The following WDR45B variants were observed in gnomAD, a reference collection of about 807,000 sequenced individuals.
The protein encoded by WDR45B is WD repeat domain phosphoinositide-interacting protein 3.
Under a neutral mutation model 44.6 loss-of-function variants are expected in WDR45B, and 20 were observed. The observed-to-expected ratio is 0.45, with a 90% CI of 0.32 to 0.65. The LOEUF is 0.65. Ranked by LOEUF, WDR45B falls within the 30% of genes least tolerant of loss-of-function variation. The pLI is 0.05. For synonymous variants in WDR45B, 169 were observed against 164.9 expected, an observed-to-expected ratio of 1.02 and a Z score of -0.19; for missense variants, 323 against 430.2, an observed-to-expected ratio of 0.75 and a Z score of 2.20.
At position 82,615,411 on chromosome 17, in the gene WDR45B, CG is replaced by C. The variant is rs2045518155; in HGVS notation, c.*507del. Reference sequence around the variant, plus strand: ...GGGTCAGGTCATTTTTCTTCATGTTCGGGCGGGAAAAGGAATTCCTTTCTCC... The same window carrying C: ...GGGTCAGGTCATTTTTCTTCATGTTCGGCGGGAAAAGGAATTCCTTTCTCC... On this transcript the variant is annotated 3_prime_UTR_variant, in exon 10 of 10. Transcript: ENST00000392325. 5.3e-6 allele frequency: 1 copy of C among 189,044 alleles called. No individual in the cohort carries two copies. The highest frequency in any genetic ancestry group is 1.3e-4 in the East Asian group (1 of 7,968). 11.7% of individuals were successfully genotyped at this position (189,044 alleles called of 1,614,324 possible).
intron 2 of WDR45B, among the ~76,000 whole-genome samples, chr17:82,639,904 G>T (rs1191909779): frequency 1.9e-5 from 2 of 107,816 alleles, no homozygotes; most frequent in African/African-American, 3.5e-5. Context: ...TGGGTTGTGT[G>T]TGTGTCGGGT....
Position 82,622,725 on chromosome 17 carries a change from T to A in WDR45B, c.428-926A>T, listed in dbSNP as rs556505227. Among the ~76,000 whole-genome samples the A allele has an allele frequency of 8.1e-3, 1,234 of 152,092 alleles. 20 individuals carry two copies. Among genetic ancestry groups the A allele is most frequent in the African/African-American group, 0.027 (1,125 of 41,498 alleles). On this transcript the variant is annotated intron_variant, in intron 5 of 9. Transcript: ENST00000392325. The stretch of plus-strand genomic sequence containing the variant: ...GCGATTACAGGCATGACCAAAAATT[T>A]TTTTTTTTTTTGTAAAGTAAGAAGA...
At position 82,648,364 on chromosome 17, in the gene WDR45B, C is replaced by G; in HGVS notation, c.-24G>C. The G allele has an allele frequency of 6.2e-7, 1 of 1,602,170 alleles. No individual in the cohort carries two copies. Among genetic ancestry groups the G allele is most frequent in the Non-Finnish European group, 8.5e-7 (1 of 1,176,190 alleles). ...ATGGCGCCGCCGTGCTGGGTCGCCG[C>G]TCCTCAGCGCTGCATGCCTCTCGCT... On this transcript the variant is annotated 5_prime_UTR_variant, in exon 1 of 10. Coordinates refer to ENST00000392325, the MANE Select transcript of WDR45B (RefSeq NM_019613.4).
rs753439203 is a variant in WDR45B at position 82,648,266 on chromosome 17, C to G, written c.67+8G>C. Reference sequence around the variant, plus strand: ...GCCGGGCAAGGCGACAGGGCCGCGCCTCCTCACCGTGGTCCTGGTTGAAGC... The same window carrying G: ...GCCGGGCAAGGCGACAGGGCCGCGCGTCCTCACCGTGGTCCTGGTTGAAGC... On this transcript the variant is annotated splice_region_variant and intron_variant, in intron 1 of 9. Transcript: ENST00000392325. 6.2e-7 allele frequency: 1 copy of G among 1,604,066 alleles called. No homozygotes were observed. The highest frequency in any genetic ancestry group is 1.1e-5 in the South Asian group (1 of 89,896).
chr17:82,623,178 G>A (rs2143274907), intron 5 of WDR45B, among the ~76,000 whole-genome samples: 1 of 151,804 alleles, frequency 6.6e-6, no homozygotes, highest in African/African-American at 2.4e-5. Context: ...GATCACCTGA[G>A]GTCAGGAGTT....
intron 5 of WDR45B, among the ~76,000 whole-genome samples, chr17:82,623,158 A>T (rs139324055): frequency 0.024 from 3,544 of 148,416 alleles, 144 homozygotes; most frequent in African/African-American, 0.083. Context: ...TTGGGAGGCC[A>T]AGGAAGGCGG....
chr17:82,621,050 GTTTC>G (rs2045608498), intron 6 of WDR45B, among the ~76,000 whole-genome samples: 1 of 131,578 alleles, frequency 7.6e-6, no homozygotes, highest in Admixed American at 7.7e-5. Context: ...ACGTATTTTT[GTTTC>G]TTTTTTTTTT....
Position 82,631,158 on chromosome 17 carries a change from C to T in WDR45B, c.143-136G>A. The T allele has an allele frequency of 4.9e-6, 4 of 821,672 alleles. No individual in the cohort carries two copies. In the South Asian group the frequency reaches 6.1e-5, roughly 13 times the overall value. 50.9% of individuals were successfully genotyped at this position (821,672 alleles called of 1,614,324 possible). ...TAAGAGACAAGATCTCACTGTGTTGCCCAGGCTGGAATGCAGTAGCTATTC... is the reference window on the plus strand; with the variant it reads ...TAAGAGACAAGATCTCACTGTGTTGTCCAGGCTGGAATGCAGTAGCTATTC... On this transcript the variant is annotated intron_variant, in intron 2 of 9. Transcript: ENST00000392325.
intron 8 of WDR45B, 122 bp from the exon 9 acceptor site, chr17:82,616,767 AATTT>A: frequency 7.3e-7 from 1 of 1,370,644 alleles, no homozygotes; most frequent in Non-Finnish European, 1.0e-6. Flanking sequence ...AGCTTTAATG[AATTT>A]TTTTTTTGCC....
intron 5 of WDR45B, among the ~76,000 whole-genome samples, chr17:82,624,847 T>C (rs2045674149): frequency 6.6e-6 from 1 of 150,414 alleles, no homozygotes; most frequent in South Asian, 2.1e-4. Context: ...CTTAATCTCC[T>C]GACCTTGTGA....
chr17:82,618,983 G>C, intron 7 of WDR45B, 60 bp downstream of exon 7: 1 of 1,537,616 alleles, frequency 6.5e-7, no homozygotes, highest in Non-Finnish European at 9.0e-7. Flanking sequence ...AAATCCCAAA[G>C]GCCCACTTCC....
intron 5 of WDR45B, 77 bp downstream of exon 5, chr17:82,625,312 T>C (rs974381680): frequency 7.0e-7 from 1 of 1,427,410 alleles, no homozygotes; most frequent in Non-Finnish European, 9.9e-7. Flanking sequence ...GAGACCTGCT[T>C]GGAGAAGGGA....
intron 2 of WDR45B, among the ~76,000 whole-genome samples, chr17:82,640,646 G>A (rs1025321931): frequency 6.6e-6 from 1 of 152,134 alleles, no homozygotes; most frequent in Admixed American, 6.5e-5. Context: ...GCTCTTCATT[G>A]TTAAACTGTA....
At chr17:82,643,297 G>A (rs1470378167) in intron 2 of WDR45B, among the ~76,000 whole-genome samples, 2 of 152,174 alleles carry the variant, frequency 1.3e-5, no homozygotes, top group East Asian at 1.9e-4. Context: ...GCCGGTTGTG[G>A]TGGTGGGTGC....
intron 1 of WDR45B, among the ~76,000 whole-genome samples, chr17:82,647,038 G>A (rs746414711): frequency 2.6e-5 from 4 of 152,126 alleles, no homozygotes; most frequent in Non-Finnish European, 5.9e-5. Flanking sequence ...AGACCAGCCT[G>A]GCCAACATGG....
Position 82,648,295 on chromosome 17 carries a change from C to T in WDR45B, c.46G>A (p.Ala16Thr), listed in dbSNP as rs1234425864. 6.2e-7 allele frequency: 1 copy of T among 1,606,876 alleles called. No individual in the cohort carries two copies. The highest frequency in any genetic ancestry group is 8.5e-7 in the Non-Finnish European group (1 of 1,178,072). The change falls in exon 1 of 10, where the codon GCC becomes ACC. Residue 16 changes from alanine to threonine, a missense_variant. Transcript: ENST00000392325. ...CNPHGNGLLY[A>T]GFNQDHGCFA... ...TCACCGTGGTCCTGGTTGAAGCCGG[C>T]GTAGAGCAGCCCGTTGCCGTGAGGG...
intron 3 of WDR45B, chr17:82,629,729 G>A (rs1598269244): frequency 6.1e-6 from 6 of 985,372 alleles, no homozygotes; most frequent in Non-Finnish European, 7.2e-6. Flanking sequence ...ACGGGGCTCT[G>A]CTGAGAACTG....
At chr17:82,616,264 G>T (rs921541843) in intron 9 of WDR45B, among the ~76,000 whole-genome samples, 2 of 152,292 alleles carry the variant, frequency 1.3e-5, no homozygotes, top group East Asian at 1.9e-4. Flanking sequence ...AAACATTCTT[G>T]GTCATCTATA....
At chr17:82,643,110 G>A (rs528843073) in intron 2 of WDR45B, among the ~76,000 whole-genome samples, 4 of 152,170 alleles carry the variant, frequency 2.6e-5, no homozygotes, top group African/African-American at 4.8e-5. Context: ...CTCTGAGGCA[G>A]GCATTGTTAT....
Sources: allele counts gnomAD v4.1 joint callset (sites outside exome capture counted in the v4.1 genomes callset), GRCh38; gene constraint gnomAD v4.1.1; transcripts MANE v1.5; gene names NCBI Gene and HGNC (gene_info 2026-07-23, HGNC 2026-07-21).